Variants in LIMCH1 observed in about 807,000 individuals in gnomAD.
LIMCH1 encodes LIM and calponin homology domains 1, also known as LIM and calponin homology domains-containing protein 1.
In LIMCH1, 113 loss-of-function variants were observed where a neutral mutation model predicts 176.5. The observed-to-expected ratio is 0.64, with a 90% CI of 0.55 to 0.75. LIMCH1 has a LOEUF of 0.75. LIMCH1 is among the 30% of genes least tolerant of loss of function. The pLI is 0.00. For synonymous variants in LIMCH1, 619 were observed against 645.9 expected, an observed-to-expected ratio of 0.96 and a Z score of 0.63; for missense variants, 1,674 against 1,814.9, an observed-to-expected ratio of 0.92 and a Z score of 1.41.
chr4:41,431,796 G>A (rs1224476038), intron 1 of LIMCH1, among the ~76,000 whole-genome samples: 3 of 152,148 alleles, frequency 2.0e-5, no homozygotes, highest in Non-Finnish European at 4.4e-5. Context: ...GCTATTATGA[G>A]TTTTGGGTGA....
chr4:41,397,972 A>AT (rs569809377), intron 1 of LIMCH1, among the ~76,000 whole-genome samples: 57 of 152,100 alleles, frequency 3.7e-4, no homozygotes, highest in Non-Finnish European at 5.3e-4. Context: ...TATTTTAATG[A>AT]TTGTACCCTG....
intron 1 of LIMCH1, among the ~76,000 whole-genome samples, chr4:41,470,222 A>G (rs553729696): frequency 2.5e-4 from 38 of 152,288 alleles, no homozygotes; most frequent in Non-Finnish European, 5.0e-4. Context: ...TCAACGGATC[A>G]CTTCTAAAAG....
rs757204155 is a variant in LIMCH1, at chr4:41,680,094, A to G, written c.3608A>G (p.Glu1203Gly). The G allele has an allele frequency of 2.5e-6, 4 of 1,597,410 alleles. No individual in the cohort carries two copies. In the Admixed American group the frequency reaches 5.2e-5, roughly 21 times the overall value. ...EVEEEERRYY[E>G]EERKIIEDTV... ...GAAGAGGAAGAACGCAGATACTATG[A>G]GGAGGTAGGAAATTCCCAAGAAGGA... The change falls in exon 24 of 32, where the codon GAG (glutamate) becomes GGG (glycine). Residue 1203 changes from glutamate to glycine, a missense_variant. Glu to Gly is a moderately conservative substitution (Grantham distance 98, BLOSUM62 -2). Coordinates refer to ENST00000503057, the MANE Select transcript of LIMCH1 (RefSeq NM_001330672.2).
chr4:41,557,244 T>C (rs1019058747), intron 1 of LIMCH1, among the ~76,000 whole-genome samples: 3 of 152,184 alleles, frequency 2.0e-5, no homozygotes, highest in African/African-American at 7.2e-5. Context: ...TTATAAGGAC[T>C]AGGCATCAAG....
At chr4:41,407,578 G>A (rs1440546133) in intron 1 of LIMCH1, among the ~76,000 whole-genome samples, 2 of 152,196 alleles carry the variant, frequency 1.3e-5, no homozygotes, top group Non-Finnish European at 2.9e-5. Flanking sequence ...GGACTGGTCC[G>A]TGTCCATAGG....
intron 2 of LIMCH1, among the ~76,000 whole-genome samples, chr4:41,519,453 A>AT (rs143731021): frequency 0.018 from 2,690 of 152,284 alleles, 70 homozygotes; most frequent in African/African-American, 0.06. Flanking sequence ...ATTAACATTT[A>AT]TTTTTGATTA....
chr4:41,671,820 G>C (rs1354386578), intron 22 of LIMCH1, among the ~76,000 whole-genome samples: 3 of 148,778 alleles, frequency 2.0e-5, no homozygotes, highest in Non-Finnish European at 4.5e-5. Flanking sequence ...AAATTAGGCA[G>C]GTGTGGTGGC....
chr4:41,533,619 T>C (rs752379250), upstream of LIMCH1, among the ~76,000 whole-genome samples: 22 of 152,226 alleles, frequency 1.4e-4, no homozygotes, highest in Non-Finnish European at 2.8e-4. Context: ...CTTCAAGACA[T>C]AATTCCTGCC....
At chr4:41,521,488 T>G (rs997953165) in intron 2 of LIMCH1, among the ~76,000 whole-genome samples, 2 of 152,206 alleles carry the variant, frequency 1.3e-5, no homozygotes, top group African/African-American at 4.8e-5. Context: ...TTATATAGGA[T>G]GGCATAGTGG....
chr4:41,410,018 A>C (rs981931390), intron 1 of LIMCH1, among the ~76,000 whole-genome samples: 3 of 152,188 alleles, frequency 2.0e-5, no homozygotes, highest in African/African-American at 7.2e-5. Context: ...CAGAATAGTT[A>C]AGAAAGGTTA....
At chr4:41,506,973 C>A (rs2074254369) in intron 2 of LIMCH1, among the ~76,000 whole-genome samples, 1 of 152,192 alleles carries the variant, frequency 6.6e-6, no homozygotes, top group Non-Finnish European at 1.5e-5. Flanking sequence ...CTCAGGTGAT[C>A]CACAACTTCT....
At chr4:41,536,707 G>A (rs143627212), upstream of LIMCH1, among the ~76,000 whole-genome samples, 310 of 152,140 alleles carry the variant, frequency 2.0e-3, 1 homozygote, top group African/African-American at 7.2e-3. Flanking sequence ...CAAAATACCC[G>A]ACCAGTATTC....
intron 7 of LIMCH1, among the ~76,000 whole-genome samples, chr4:41,626,176 C>A (rs771556838): frequency 6.6e-6 from 1 of 152,018 alleles, no homozygotes; most frequent in Non-Finnish European, 1.5e-5. Flanking sequence ...GTAAACTATC[C>A]CAGATGTTTC....
At chr4:41,624,446 G>A (rs1365400573) in intron 7 of LIMCH1, among the ~76,000 whole-genome samples, 1 of 152,054 alleles carries the variant, frequency 6.6e-6, no homozygotes, top group Non-Finnish European at 1.5e-5. Context: ...CTGCTGAACA[G>A]ATCCTTGGGT....
chr4:41,660,648 T>C (rs953686048), intron 18 of LIMCH1, among the ~76,000 whole-genome samples: 1 of 152,122 alleles, frequency 6.6e-6, no homozygotes, highest in African/African-American at 2.4e-5. Context: ...TAAACAGAAA[T>C]TGTCAAATTT....
At position 41,666,605 on chromosome 4, in the gene LIMCH1, T is replaced by A. The variant is rs1263107901; in HGVS notation, c.3336T>A (p.Phe1112Leu). ...KSPEPEATLT[F>L]PFLDKMPEAN... ...CAGAACCCGAAGCAACGCTGACATT[T>A]CCATTTCTGGACAAAATGCCTGAAG... The change falls in exon 21 of 32, where the codon TTT (phenylalanine) becomes TTA (leucine). Residue 1112 changes from phenylalanine (F) to leucine (L), a missense_variant. By Grantham distance (22) the Phe-to-Leu change is conservative. Coordinates refer to ENST00000503057, the MANE Select transcript of LIMCH1 (RefSeq NM_001330672.2). The A allele has an allele frequency of 6.2e-7, 1 of 1,614,036 alleles. No individual in the cohort carries two copies. The highest frequency in any genetic ancestry group is 8.5e-7 in the Non-Finnish European group (1 of 1,179,914).
At chr4:41,415,624 C>T (rs1170546756) in intron 1 of LIMCH1, among the ~76,000 whole-genome samples, 1 of 152,096 alleles carries the variant, frequency 6.6e-6, no homozygotes, top group Non-Finnish European at 1.5e-5. Flanking sequence ...CTTCTGTGAC[C>T]TTGGTTAGCT....
At chr4:41,419,561 CCCTTCCTTCCTTCCTT>C (rs536061729) in intron 1 of LIMCH1, among the ~76,000 whole-genome samples, 15 of 116,332 alleles carry the variant, frequency 1.3e-4, no homozygotes, top group South Asian at 5.9e-4. Context: ...CTTTCCTTTC[CCCTTCCTTCCTTCCTT>C]CCTTCCTTCC....
intron 1 of LIMCH1, among the ~76,000 whole-genome samples, chr4:41,393,470 A>G (rs576505787): frequency 6.6e-6 from 1 of 152,366 alleles, no homozygotes; most frequent in Admixed American, 6.5e-5. Context: ...TTCCTTTATT[A>G]TGGGTCCTAA....
Sources: gnomAD v4.1 joint callset for allele counts (sites outside exome capture counted in the v4.1 genomes callset) on GRCh38, gnomAD v4.1.1 for gene constraint, MANE v1.5 for transcripts, NCBI Gene and HGNC (gene_info 2026-07-23, HGNC 2026-07-21) for gene names.